The following EPC2 variants were observed in gnomAD, a reference collection of about 807,000 sequenced individuals.
The protein encoded by EPC2 is enhancer of polycomb homolog 2.
In EPC2, 14 loss-of-function variants were observed where a neutral mutation model predicts 92.1. The ratio of observed to expected loss-of-function variants is 0.15; its 90% CI spans 0.10 to 0.24. The LOEUF (loss-of-function observed/expected upper bound fraction) is 0.24. EPC2 is among the 10% of genes least tolerant of loss of function. The probability of loss-of-function intolerance (pLI) is 1.00; values close to 1 mark genes in which losing one functional copy is unlikely to be tolerated. For missense variants in EPC2, 755 were observed against 971.5 expected (o/e 0.78, Z 2.96); for synonymous variants, 340 against 334.7 (o/e 1.02, Z -0.17).
rs36045036 is a variant in EPC2, at chr2:148,698,633, C to CAAAA, written c.313+8282_313+8285dup. 1.9e-3 allele frequency among the ~76,000 whole-genome samples: 107 copies of CAAAA among 56,990 alleles called. 1 individual carries two copies. The highest frequency in any genetic ancestry group is 5.9e-3 in the South Asian group (5 of 842). 37.4% of individuals were successfully genotyped at this position (56,990 alleles called of 152,430 possible). A position where few individuals can be genotyped will look rare whatever the true frequency, so the allele number is the denominator to read the frequency against. ...CCTGGGTGACAGCGAGACTCCATCT[C>CAAAA]AAAAAAAAAAAAAAAAAAAAAAAAA... On this transcript the variant is annotated intron_variant, in intron 2 of 13. Coordinates refer to ENST00000258484, the MANE Select transcript of EPC2 (RefSeq NM_015630.4).
chr2:148,729,157 A>G (rs891642402), intron 2 of EPC2, among the ~76,000 whole-genome samples: 2 of 151,672 alleles, frequency 1.3e-5, no homozygotes, highest in African/African-American at 4.8e-5. Flanking sequence ...ATGTGATGAT[A>G]TCTGTTACAG....
chr2:148,714,669 T>C (rs776402847), intron 2 of EPC2, among the ~76,000 whole-genome samples: 6 of 152,218 alleles, frequency 3.9e-5, no homozygotes, highest in Non-Finnish European at 8.8e-5. Context: ...ATCAGTGGTG[T>C]TGAGCTTCTT....
At chr2:148,706,011 G>C (rs918904621) in intron 2 of EPC2, among the ~76,000 whole-genome samples, 2 of 152,180 alleles carry the variant, frequency 1.3e-5, no homozygotes, top group African/African-American at 4.8e-5. Context: ...TTGACAAATT[G>C]ACAGAAGTAG....
chr2:148,705,142 A>G (rs920520045), intron 2 of EPC2, among the ~76,000 whole-genome samples: 12 of 152,110 alleles, frequency 7.9e-5, no homozygotes, highest in African/African-American at 2.4e-4. Flanking sequence ...GCATAACCAC[A>G]GTACCATTAT....
At chr2:148,735,622 T>C (rs561632808) in intron 2 of EPC2, among the ~76,000 whole-genome samples, 1 of 152,104 alleles carries the variant, frequency 6.6e-6, no homozygotes, top group African/African-American at 2.4e-5. Flanking sequence ...ATACCTTTTC[T>C]TCCACCTCCA....
chr2:148,739,691 C>G (rs1682836640), intron 2 of EPC2, among the ~76,000 whole-genome samples: 1 of 152,122 alleles, frequency 6.6e-6, no homozygotes, highest in Non-Finnish European at 1.5e-5. Context: ...TTTTCCTGAG[C>G]AGTGGTAGCT....
intron 1 of EPC2, among the ~76,000 whole-genome samples, chr2:148,646,601 C>CTT (rs5835206): frequency 1.2e-4 from 18 of 148,696 alleles, no homozygotes; most frequent in East Asian, 3.9e-4. Context: ...TATGTGAGAA[C>CTT]TTTTTTTTTT....
At chr2:148,670,113 A>G (rs1300186318) in intron 1 of EPC2, among the ~76,000 whole-genome samples, 3 of 152,210 alleles carry the variant, frequency 2.0e-5, no homozygotes, top group East Asian at 3.9e-4. Context: ...CATGAAGTCT[A>G]CTGAGCTTCA....
At chr2:148,701,627 TATA>T in intron 2 of EPC2, among the ~76,000 whole-genome samples, 1 of 152,334 alleles carries the variant, frequency 6.6e-6, no homozygotes, top group East Asian at 1.9e-4. Flanking sequence ...TTCAGCTTGC[TATA>T]ATAATACTTT....
intron 2 of EPC2, among the ~76,000 whole-genome samples, chr2:148,735,878 G>A (rs963101489): frequency 1.8e-4 from 27 of 151,728 alleles, no homozygotes; most frequent in Non-Finnish European, 4.4e-5. Flanking sequence ...TGATACTTTT[G>A]AATTGGGATC....
At chr2:148,717,946 A>G (rs1361797806) in intron 2 of EPC2, among the ~76,000 whole-genome samples, 3 of 151,608 alleles carry the variant, frequency 2.0e-5, no homozygotes, top group African/African-American at 7.2e-5. Context: ...GGGCACATAT[A>G]TAGGTTAGTT....
chr2:148,691,353 C>T (rs1681640027), intron 2 of EPC2, among the ~76,000 whole-genome samples: 1 of 152,190 alleles, frequency 6.6e-6, no homozygotes, highest in Non-Finnish European at 1.5e-5. Flanking sequence ...CAAGGCTCAA[C>T]ATCCGGCCTA....
intron 2 of EPC2, among the ~76,000 whole-genome samples, chr2:148,700,478 TC>T (rs1411501834): frequency 7.4e-6 from 1 of 135,664 alleles, no homozygotes; most frequent in South Asian, 2.5e-4. Context: ...TTGGAAAGAC[TC>T]CCCCCCTCCC....
At position 148,739,830 on chromosome 2, in the gene EPC2, C is replaced by CTTT. The variant is rs879739457; in HGVS notation, c.314-3790_314-3789insTTT. Among the ~76,000 whole-genome samples the CTTT allele has an allele frequency of 4.0e-3, 381 of 96,168 alleles. 3 individuals are homozygous for CTTT. Among genetic ancestry groups the CTTT allele is most frequent in the East Asian group, 0.015 (37 of 2,532 alleles). 63.1% of individuals were successfully genotyped at this position (96,168 alleles called of 152,430 possible). On this transcript the variant is annotated intron_variant, in intron 2 of 13. Transcript: ENST00000258484. ...TCTTTCTTCCTTTTCTTTTCTTCTT[C>CTTT]TTCTTTTTTTTTTTTTTTTTTTTTT...
At position 148,696,384 on chromosome 2, in the gene EPC2, C is replaced by T. The variant is rs577800259; in HGVS notation, c.313+6011C>T. On this transcript the variant is annotated intron_variant, in intron 2 of 13. Transcript: ENST00000258484. Reference sequence around the variant, plus strand: ...AGAGAAGCCTGAGTTTAAAGGAGAACGCCCCTTCAGGCTATGTGCATTTAT... The same window carrying T: ...AGAGAAGCCTGAGTTTAAAGGAGAATGCCCCTTCAGGCTATGTGCATTTAT... 9.9e-4 allele frequency among the ~76,000 whole-genome samples: 150 copies of T among 152,214 alleles called. No homozygotes were observed. In the Middle Eastern group the frequency reaches 0.02, roughly 21 times the overall value.
In EPC2 at chr2:148,645,232, G is replaced by A. The variant is rs1440759311; in HGVS notation, c.153+62G>A. 5.0e-6 allele frequency: 7 copies of A among 1,410,546 alleles called. No individual in the cohort carries two copies. In the East Asian group the frequency reaches 1.3e-4, roughly 26 times the overall value. 87.4% of individuals were successfully genotyped at this position (1,410,546 alleles called of 1,614,324 possible). On this transcript the variant is annotated intron_variant, in intron 1 of 13. Coordinates refer to ENST00000258484, the MANE Select transcript of EPC2 (RefSeq NM_015630.4). ...CTCCCCCCTCCCCTTTGTCAGTCGG[G>A]CCTCGCCATTCACAGAGCGCTTTAC...
intron 2 of EPC2, among the ~76,000 whole-genome samples, chr2:148,733,153 G>C (rs115533823): frequency 0.024 from 3,609 of 149,396 alleles, 49 homozygotes; most frequent in East Asian, 0.033. Context: ...AGTATCTCTT[G>C]ATAATATCAC....
intron 1 of EPC2, among the ~76,000 whole-genome samples, chr2:148,671,759 A>C (rs984260468): frequency 6.6e-6 from 1 of 151,796 alleles, no homozygotes; most frequent in Non-Finnish European, 1.5e-5. Context: ...TTTCTTAACC[A>C]TCTTTGAGTA....
At chr2:148,707,857 G>C (rs1266972564) in intron 2 of EPC2, among the ~76,000 whole-genome samples, 1 of 152,196 alleles carries the variant, frequency 6.6e-6, no homozygotes, top group Non-Finnish European at 1.5e-5. Flanking sequence ...CAGTGTGTGA[G>C]GGAAATTTGT....
Sources: allele counts gnomAD v4.1 joint callset (sites outside exome capture counted in the v4.1 genomes callset), GRCh38; gene constraint gnomAD v4.1.1; transcripts MANE v1.5; gene names NCBI Gene and HGNC (gene_info 2026-07-23, HGNC 2026-07-21).